Variants in PPIL2 observed in about 807,000 individuals in gnomAD.
PPIL2 encodes peptidylprolyl isomerase like 2.
In PPIL2, 50 loss-of-function variants were observed where a neutral mutation model predicts 75.2. That is an observed-to-expected ratio of 0.66 (90% confidence interval 0.53 to 0.84). The LOEUF (loss-of-function observed/expected upper bound fraction) is 0.84. Ranked by LOEUF, PPIL2 falls within the 40% of genes least tolerant of loss-of-function variation. PPIL2 has a pLI of 0.00. For missense variants in PPIL2, 590 were observed against 685.0 expected, an observed-to-expected ratio of 0.86 and a Z score of 1.55; for synonymous variants, 245 against 258.8, an observed-to-expected ratio of 0.95 and a Z score of 0.51.
intron 6 of PPIL2, among the ~76,000 whole-genome samples, chr22:21,679,914 C>T (rs1457889420): frequency 2.0e-5 from 3 of 151,232 alleles, no homozygotes; most frequent in Non-Finnish European, 4.4e-5. Flanking sequence ...GGTGAAACCC[C>T]GTCTCTACTA....
intron 15 of PPIL2, among the ~76,000 whole-genome samples, chr22:21,690,849 GT>G (rs1444059390): frequency 2.0e-5 from 3 of 149,772 alleles, no homozygotes; most frequent in African/African-American, 7.4e-5. Context: ...TGCGTGGTTT[GT>G]TTTTGTTGTT....
At chr22:21,682,406 GCA>G in intron 7 of PPIL2, 29 bp from the exon 8 acceptor site, 1 of 1,588,158 alleles carries the variant, frequency 6.3e-7, no homozygotes, top group Non-Finnish European at 8.6e-7. Flanking sequence ...CTTGGGGCAG[GCA>G]TCGTAAAACC....
intron 1 of PPIL2, among the ~76,000 whole-genome samples, chr22:21,667,765 ATTTTTTTTTTTTT>A (rs55832180): frequency 1.4e-5 from 1 of 69,872 alleles, no homozygotes; most frequent in Admixed American, 1.8e-4. Flanking sequence ...GACATCTCAA[ATTTTTTTTTTTTT>A]TTTTTTTTTT....
intron 1 of PPIL2, among the ~76,000 whole-genome samples, chr22:21,668,066 C>A (rs775315457): frequency 2.9e-4 from 44 of 151,936 alleles, no homozygotes; most frequent in Non-Finnish European, 5.4e-4. Context: ...CGTGAGCCAC[C>A]GTGCCGGGCC....
chr22:21,670,027 TAC>T (rs1462848427), intron 2 of PPIL2, 65 bp downstream of exon 2: 1 of 1,453,246 alleles, frequency 6.9e-7, no homozygotes, highest in Admixed American at 1.7e-5. Context: ...GTCTTCAGGA[TAC>T]AGTGAGCTGT....
At chr22:21,667,527 C>T (rs891419263) in intron 1 of PPIL2, among the ~76,000 whole-genome samples, 2 of 152,006 alleles carry the variant, frequency 1.3e-5, no homozygotes, top group African/African-American at 4.8e-5. Flanking sequence ...CTTCTGAAGC[C>T]CTTCTTTGGT....
At chr22:21,689,125 T>C (rs983996676) in intron 15 of PPIL2, among the ~76,000 whole-genome samples, 9 of 152,040 alleles carry the variant, frequency 5.9e-5, no homozygotes, top group African/African-American at 1.9e-4. Context: ...CAGGCATTCG[T>C]GTGGGTGCCT....
chr22:21,668,138 C>T (rs2066466735), intron 1 of PPIL2, among the ~76,000 whole-genome samples: 1 of 142,588 alleles, frequency 7.0e-6, no homozygotes, highest in Non-Finnish European at 1.5e-5. Flanking sequence ...TGAGCCTGCT[C>T]CTCCCTGTAA....
At chr22:21,667,620 TTC>T (rs1171851325) in intron 1 of PPIL2, among the ~76,000 whole-genome samples, 2 of 152,266 alleles carry the variant, frequency 1.3e-5, no homozygotes, top group South Asian at 2.1e-4. Context: ...CCCTCCTCCC[TTC>T]TCTCAGATCT....
Position 21,677,109 on chromosome 22 carries a change from C to G in PPIL2, c.295+1994C>G, listed in dbSNP as rs1601529909. Among the ~76,000 whole-genome samples, 8 of 150,698 alleles carry G rather than the reference C, an allele frequency of 5.3e-5. No individual in the cohort carries two copies. The South Asian group carries it at 1.7e-3, about 32-fold the overall frequency. Reference sequence around the variant, plus strand: ...CTTCCTAGACAGGGCGGCTGCCGGGCAGAGGGGCTCCTCGCTTCTCAGACG... The same window carrying G: ...CTTCCTAGACAGGGCGGCTGCCGGGGAGAGGGGCTCCTCGCTTCTCAGACG... On this transcript the variant is annotated intron_variant, in intron 6 of 19. Coordinates refer to ENST00000398831, the MANE Select transcript of PPIL2 (RefSeq NM_014337.4).
At chr22:21,694,916 C>T (rs775052280) in intron 18 of PPIL2, 21 bp from the exon 19 acceptor site, 7 of 1,610,670 alleles carry the variant, frequency 4.3e-6, no homozygotes, top group Non-Finnish European at 5.9e-6. Context: ...GCCGGTTAGC[C>T]AGCGCCCTGT....
At chr22:21,699,400 A>C (rs899860620), downstream of PPIL2, 45 of 152,396 alleles carry the variant, frequency 3.0e-4, no homozygotes, top group African/African-American at 1.0e-3. Flanking sequence ...CTTATCTGGG[A>C]GTGGTTTTTG....
intron 6 of PPIL2, among the ~76,000 whole-genome samples, chr22:21,675,737 G>C (rs2066814424): frequency 6.6e-6 from 1 of 152,240 alleles, no homozygotes; most frequent in African/African-American, 2.4e-5. Context: ...TTTGTTGTTG[G>C]AGGCAGAAGT....
intron 6 of PPIL2, among the ~76,000 whole-genome samples, chr22:21,678,697 A>G (rs2148523724): frequency 6.6e-6 from 1 of 152,098 alleles, no homozygotes; most frequent in Non-Finnish European, 1.5e-5. Context: ...CCCCAATTTA[A>G]AAAACAGTTT....
chr22:21,676,243 A>AGTGTGTGTGTGTGTGTGTGT (rs36131221), intron 6 of PPIL2, among the ~76,000 whole-genome samples: 1 of 130,510 alleles, frequency 7.7e-6, no homozygotes, highest in Non-Finnish European at 1.6e-5. Context: ...TGTGATCAGC[A>AGTGTGTGTGTGTGTGTGTGT]GTGTGTGTGT....
At chr22:21,690,067 CT>C (rs1019885681) in intron 15 of PPIL2, among the ~76,000 whole-genome samples, 1 of 151,964 alleles carries the variant, frequency 6.6e-6, no homozygotes, top group Non-Finnish European at 1.5e-5. Flanking sequence ...CTGGCTGTGG[CT>C]TTGTGGCCTG....
At chr22:21,684,994 A>G (rs1335890561) in intron 10 of PPIL2, 81 bp downstream of exon 10, 4 of 1,545,034 alleles carry the variant, frequency 2.6e-6, no homozygotes, top group East Asian at 4.7e-5. Context: ...GTCCTGGGAA[A>G]GGGGCTCATG....
rs1030544205 is a variant in PPIL2 at position 21,695,022 on chromosome 22, C to G, written c.1418C>G (p.Pro473Arg). 1 of 1,613,012 alleles carries G rather than the reference C, an allele frequency of 6.2e-7. No individual in the cohort carries two copies. The highest frequency in any genetic ancestry group is 8.5e-7 in the Non-Finnish European group (1 of 1,179,948). The change falls in exon 19 of 20, where the codon CCC becomes CGC. Residue 473 changes from proline to arginine, a missense_variant. Pro to Arg is a moderately radical substitution (Grantham distance 103). Transcript: ENST00000398831. Reference sequence around the variant, plus strand: ...CAGCCCCAGGCAGGGAGCCAGGGCCCCCAGACCTTCCGCCAGGGCGTGGGC... The same window carrying G: ...CAGCCCCAGGCAGGGAGCCAGGGCCGCCAGACCTTCCGCCAGGGCGTGGGC... ...SSQPQAGSQG[P>R]QTFRQGVGKY...
At chr22:21,698,924 A>AAGAC (rs1236872954), downstream of PPIL2, 4 of 152,492 alleles carry the variant, frequency 2.6e-5, no homozygotes, top group African/African-American at 9.6e-5. Flanking sequence ...GGAGGCTTCC[A>AAGAC]AGACAGTACA....
Sources: gnomAD v4.1 joint callset for allele counts (sites outside exome capture counted in the v4.1 genomes callset) on GRCh38, gnomAD v4.1.1 for gene constraint, MANE v1.5 for transcripts, NCBI Gene and HGNC (gene_info 2026-07-23, HGNC 2026-07-21) for gene names.